The following KMT2E variants were observed in gnomAD, a reference collection of about 807,000 sequenced individuals.
KMT2E encodes histone reader KMT2E.
In KMT2E, 30 loss-of-function variants were observed where a neutral mutation model predicts 184.6. The observed-to-expected ratio is 0.16, with a 90% confidence interval of 0.12 to 0.22. The LOEUF (loss-of-function observed/expected upper bound fraction) is 0.22, where lower values mean the gene tolerates loss of function less well. Ranked by LOEUF, KMT2E falls within the 10% of genes least tolerant of loss-of-function variation. KMT2E has a pLI of 1.00. For synonymous variants in KMT2E, 815 were observed against 776.5 expected, an observed-to-expected ratio of 1.05 and a Z score of -0.82; for missense variants, 2,023 against 2,237.4, an observed-to-expected ratio of 0.90 and a Z score of 1.93.
At chr7:105,066,486 A>G (rs1329918689) in intron 5 of KMT2E, among the ~76,000 whole-genome samples, 6 of 152,136 alleles carry the variant, frequency 3.9e-5, no homozygotes, top group African/African-American at 1.4e-4. Flanking sequence ...TAAATTATAC[A>G]TTTTATATTT....
intron 13 of KMT2E, among the ~76,000 whole-genome samples, chr7:105,084,582 G>A (rs189817425): frequency 3.8e-4 from 57 of 151,820 alleles, no homozygotes; most frequent in East Asian, 2.9e-3. Context: ...AGCCAAGATC[G>A]GACCACTGCA....
Position 105,079,565 on chromosome 7 carries a change from A to G in KMT2E, c.1248+602A>G, listed in dbSNP as rs1797673910. ...TTGAGGCAGTGTCTCACTGTCTCCC[A>G]GGCTGGAGTGTGGTGTCATGAGCAC... On this transcript the variant is annotated intron_variant, in intron 12 of 26. Coordinates refer to ENST00000311117, the MANE Select transcript of KMT2E (RefSeq NM_182931.3). Among the ~76,000 whole-genome samples the G allele has an allele frequency of 3.6e-5, 4 of 110,788 alleles. No individual in the cohort carries two copies. In the East Asian group the frequency reaches 1.2e-3, roughly 34 times the overall value. 72.7% of individuals were successfully genotyped at this position (110,788 alleles called of 152,430 possible). A position where few individuals can be genotyped will look rare whatever the true frequency, so the allele number is the denominator to read the frequency against.
At chr7:105,073,146 C>A (rs1463718486) in intron 6 of KMT2E, among the ~76,000 whole-genome samples, 3 of 151,106 alleles carry the variant, frequency 2.0e-5, no homozygotes, top group African/African-American at 7.3e-5. Flanking sequence ...CTGTGGCTCA[C>A]ATCTGTGATC....
At chr7:105,034,713 GTTCTCCTATGTAACCATACCTATCT>G (rs1487300855) in intron 1 of KMT2E, among the ~76,000 whole-genome samples, 8 of 151,882 alleles carry the variant, frequency 5.3e-5, no homozygotes. Flanking sequence ...CCTTAATATT[GTTCTCCTATGTAACCATACCTATCT>G]TTCTCTACCC....
chr7:105,075,215 C>G (rs1797479697), intron 8 of KMT2E, among the ~76,000 whole-genome samples: 1 of 145,698 alleles, frequency 6.9e-6, no homozygotes, highest in Admixed American at 6.9e-5. Context: ...AAACCTTGCT[C>G]TCTTGTAACG....
At position 105,106,791 on chromosome 7, in the gene KMT2E, GAAAA is replaced by G; in HGVS notation, c.2847+25_2847+28del. 2 of 1,587,592 alleles carry G rather than the reference GAAAA, an allele frequency of 1.3e-6. No individual in the cohort carries two copies. Among genetic ancestry groups the G allele is most frequent in the South Asian group, 2.3e-5 (2 of 87,724 alleles). On this transcript the variant is annotated intron_variant, in intron 20 of 26. Coordinates refer to ENST00000311117, the MANE Select transcript of KMT2E (RefSeq NM_182931.3). ...CTTTGAGGTGAGAAATTTTAATGGA[GAAAA>G]AAAAATTCAACACTTGGGGGGATGG... is the stretch of plus-strand genomic sequence containing the variant.
At position 105,107,668 on chromosome 7, in the gene KMT2E, C is replaced by G. The variant is rs1173012988; in HGVS notation, c.3211C>G (p.Pro1071Ala). 6.2e-7 allele frequency: 1 copy of G among 1,614,104 alleles called. No homozygotes were observed. The highest frequency in any genetic ancestry group is 1.1e-5 in the South Asian group (1 of 91,076). The change falls in exon 22 of 27, where the codon CCT (proline) becomes GCT (alanine). Residue 1071 changes from proline (P) to alanine (A), a missense_variant. Around this residue, in one of 8 missense-constraint regions of KMT2E, gnomAD observed 1,108 missense variants for 1,050.9 expected, o/e 1.05. Coordinates refer to ENST00000311117, the MANE Select transcript of KMT2E (RefSeq NM_182931.3). Reference sequence around the variant, plus strand: ...AATGTATTCTTCCTGGGTAAAGAGCCCTGACAGAACAGGAGTTAACTTCTC... The same window carrying G: ...AATGTATTCTTCCTGGGTAAAGAGCGCTGACAGAACAGGAGTTAACTTCTC... ...GTMYSSWVKS[P>A]DRTGVNFSVN...
intron 15 of KMT2E, among the ~76,000 whole-genome samples, chr7:105,099,656 C>CA (rs1275994202): frequency 2.0e-5 from 3 of 152,124 alleles, no homozygotes; most frequent in Non-Finnish European, 4.4e-5. Flanking sequence ...AATCATACTA[C>CA]AAAAAATATC....
intron 3 of KMT2E, among the ~76,000 whole-genome samples, chr7:105,056,233 C>T (rs928962022): frequency 6.6e-6 from 1 of 152,034 alleles, no homozygotes; most frequent in African/African-American, 2.4e-5. Context: ...GGATGACTAC[C>T]ATTTTATACC....
chr7:105,077,159 A>T lies in KMT2E; in HGVS notation c.965A>T (p.Asn322Ile), dbSNP rs747522792. The change falls in exon 10 of 27, where the codon AAT becomes ATT. Residue 322 changes from asparagine to isoleucine, a missense_variant. By Grantham distance (149) the Asn-to-Ile change is moderately radical. Around this residue, in one of 8 missense-constraint regions of KMT2E, gnomAD observed 191 missense variants for 209.0 expected, o/e 0.91. Transcript: ENST00000311117. Reference protein sequence around the residue: ...DKKEMNKSDLNTNNLLFKPPV... With the variant: ...DKKEMNKSDLITNNLLFKPPV... Reference sequence around the variant, plus strand: ...AAAGAGATGAATAAATCCGATTTGAATACCAACAATTTGCTCTTCAAACCT... The same window carrying T: ...AAAGAGATGAATAAATCCGATTTGATTACCAACAATTTGCTCTTCAAACCT... 23 of 1,613,934 alleles carry T rather than the reference A, an allele frequency of 1.4e-5. No individual in the cohort carries two copies. The Admixed American group carries it at 3.5e-4, about 25-fold the overall frequency.
chr7:105,102,168 C>T lies in KMT2E; in HGVS notation c.2170C>T (p.Pro724Ser), dbSNP rs766981. The T allele has an allele frequency of 1.2e-5, 20 of 1,609,080 alleles. No individual in the cohort carries two copies. The highest frequency in any genetic ancestry group is 1.7e-5 in the Non-Finnish European group (20 of 1,178,404). ...TGAAGTTCCAGCACTTAATAAATGT[C>T]CTACCAAGTACCCCAAAACAAAGAA... ...ETEVPALNKC[P>S]TKYPKTKKHL... is the part of the protein sequence containing the mutation. Residue 724 changes from proline to serine, a missense_variant, in exon 17 of 27, where the codon CCT becomes TCT. Physicochemically the swap from Pro to Ser is moderately conservative, Grantham distance 74. This residue lies in a region of KMT2E where 514 missense variants were observed against 621.8 expected (regional missense o/e 0.83). Coordinates refer to ENST00000311117, the MANE Select transcript of KMT2E (RefSeq NM_182931.3).
intron 3 of KMT2E, among the ~76,000 whole-genome samples, chr7:105,057,023 G>A (rs1449016435): frequency 6.6e-6 from 1 of 152,188 alleles, no homozygotes; most frequent in Admixed American, 6.5e-5. Context: ...AAAAATAATT[G>A]TGTGAAAAGT....
chr7:105,026,676 TTTGAA>T (rs1795190322), intron 1 of KMT2E, among the ~76,000 whole-genome samples: 2 of 152,236 alleles, frequency 1.3e-5, no homozygotes, highest in South Asian at 2.1e-4. Context: ...CCATTTGATC[TTTGAA>T]TTGTATGTTT....
intron 3 of KMT2E, among the ~76,000 whole-genome samples, chr7:105,054,096 CG>C (rs1005563365): frequency 5.9e-5 from 9 of 151,416 alleles, no homozygotes; most frequent in Non-Finnish European, 1.0e-4. Context: ...CACTTGAACC[CG>C]GGAGGTGGAG....
chr7:105,112,908 C>T lies in KMT2E; in HGVS notation c.5152C>T (p.Pro1718Ser). ...TGTTGTAAATTCAGCACCCCCACCA[C>T]CCCCTCCGCCGCCACCTTCCAGTGT... ...QHVVNSAPPP[P>S]PPPPPSSVLA... The change falls in exon 27 of 27, where the codon CCC (proline) becomes TCC (serine). Residue 1718 changes from proline to serine, a missense_variant. Around this residue, in one of 8 missense-constraint regions of KMT2E, gnomAD observed 1,108 missense variants for 1,050.9 expected, o/e 1.05. Coordinates refer to ENST00000311117, the MANE Select transcript of KMT2E (RefSeq NM_182931.3). The T allele has an allele frequency of 1.9e-6, 3 of 1,613,426 alleles. No individual in the cohort carries two copies. The highest frequency in any genetic ancestry group is 3.3e-4 in the Middle Eastern group (2 of 6,062).
At chr7:105,016,941 T>C (rs1299580966) in intron 1 of KMT2E, among the ~76,000 whole-genome samples, 1 of 152,220 alleles carries the variant, frequency 6.6e-6, no homozygotes, top group East Asian at 1.9e-4. Context: ...GCACACAACC[T>C]TACTTAGAAT....
chr7:105,111,980 C>G lies in KMT2E; in HGVS notation c.4224C>G (p.Asn1408Lys). The G allele has an allele frequency of 3.1e-6, 5 of 1,614,166 alleles. No individual in the cohort carries two copies. Among genetic ancestry groups the G allele is most frequent in the Non-Finnish European group, 2.5e-6 (3 of 1,180,024 alleles). ...AACAAAAACAGCTATCAAATAACAACCAAGCACTTTCAAAGAATCATCCTC... is the reference window on the plus strand; with the variant it reads ...AACAAAAACAGCTATCAAATAACAAGCAAGCACTTTCAAAGAATCATCCTC... ...ELQQKQLSNN[N>K]QALSKNHPPQ... The change falls in exon 27 of 27, where the codon AAC becomes AAG. Residue 1408 changes from asparagine (N) to lysine (K), a missense_variant. Around this residue, in one of 8 missense-constraint regions of KMT2E, gnomAD observed 1,108 missense variants for 1,050.9 expected, o/e 1.05. Coordinates refer to ENST00000311117, the MANE Select transcript of KMT2E (RefSeq NM_182931.3).
At chr7:105,025,473 T>C (rs150756264) in intron 1 of KMT2E, among the ~76,000 whole-genome samples, 11 of 152,164 alleles carry the variant, frequency 7.2e-5, no homozygotes, top group Admixed American at 3.9e-4. Flanking sequence ...ATTTATAGTT[T>C]ATGTATTTTT....
At chr7:105,106,828 T>G in intron 20 of KMT2E, 56 bp downstream of exon 20, 1 of 1,551,602 alleles carries the variant, frequency 6.4e-7, no homozygotes. Context: ...TGGAATTTCT[T>G]TTAAGAGCTC....
Sources: gnomAD v4.1 joint callset for allele counts (sites outside exome capture counted in the v4.1 genomes callset) on GRCh38, gnomAD v4.1.1 for gene constraint, gnomAD v4.1.1 regional missense constraint, MANE v1.5 for transcripts, NCBI Gene and HGNC (gene_info 2026-07-23, HGNC 2026-07-21) for gene names.